Variants in SF3B3 observed in about 807,000 individuals in gnomAD.
SF3B3 encodes splicing factor 3b subunit 3.
A neutral mutation model predicts 139.2 loss-of-function variants in SF3B3; 33 were observed. That is an observed-to-expected ratio of 0.24 (90% confidence interval 0.18 to 0.32). SF3B3 has a LOEUF of 0.32. SF3B3 is among the 10% of genes least tolerant of loss of function. The pLI is 1.00. For synonymous variants in SF3B3, 596 were observed against 563.6 expected (o/e 1.06, Z -0.81); for missense variants, 818 against 1,509.4 (o/e 0.54, Z 7.59).
intron 18 of SF3B3, among the ~76,000 whole-genome samples, 158 bp downstream of exon 18, chr16:70,564,208 T>G (rs1458417997): frequency 1.3e-5 from 2 of 152,072 alleles, no homozygotes; most frequent in Non-Finnish European, 2.9e-5. Flanking sequence ...GCACCTCTAT[T>G]AAAAATTTTA....
chr16:70,535,748 T>A (rs953647887), intron 6 of SF3B3, among the ~76,000 whole-genome samples: 14 of 151,762 alleles, frequency 9.2e-5, no homozygotes, highest in African/African-American at 3.4e-4. Flanking sequence ...TTATTCTATT[T>A]GGTTTTTTTT....
chr16:70,532,765 TGTG>T lies in SF3B3; in HGVS notation c.712+150_712+152del, dbSNP rs1251181818. The T allele has an allele frequency of 3.9e-6, 3 of 763,910 alleles. No homozygotes were observed. The East Asian group carries it at 7.7e-5, about 20-fold the overall frequency. The allele number at this position is 763,910 out of a possible 1,614,324, so 47.3% of individuals were successfully genotyped here. On this transcript the variant is annotated intron_variant, in intron 5 of 25. Coordinates refer to ENST00000302516, the MANE Select transcript of SF3B3 (RefSeq NM_012426.5). Reference sequence around the variant, plus strand: ...ATCTTTTGGACAGGTTAGAAGTTCATGTGGTGGAGTGATTTTAAAAAGTGTTGG... The same window carrying T: ...ATCTTTTGGACAGGTTAGAAGTTCATGTGGAGTGATTTTAAAAAGTGTTGG...
chr16:70,538,275 A>C, intron 6 of SF3B3, 48 bp from the exon 7 acceptor site: 1 of 1,569,080 alleles, frequency 6.4e-7, no homozygotes, highest in Non-Finnish European at 8.8e-7. Context: ...TTCCAGAACT[A>C]AGAAGTACCC....
intron 4 of SF3B3, 117 bp from the exon 5 acceptor site, chr16:70,532,362 A>AAAAAAAAAAAAG (rs2050130141): frequency 1.2e-6 from 1 of 810,822 alleles, no homozygotes; most frequent in South Asian, 1.9e-5. Context: ...CTCTCCAAAA[A>AAAAAAAAAAAAG]AAAAAGAAGA....
At position 70,567,447 on chromosome 16, in the gene SF3B3, T is replaced by C; in HGVS notation, c.2863T>C (p.Phe955Leu). Reference sequence around the variant, plus strand: ...AGAGGTCCCTGCTGCTATTGCCCCATTCCAGGGGAGGGTGTTGATTGGTGT... The same window carrying C: ...AGAGGTCCCTGCTGCTATTGCCCCACTCCAGGGGAGGGTGTTGATTGGTGT... ...VEEVPAAIAP[F>L]QGRVLIGVGK... Residue 955 changes from phenylalanine (F) to leucine (L), a missense_variant, in exon 21 of 26, where the codon TTC (phenylalanine) becomes CTC (leucine). Phe to Leu is a conservative substitution (Grantham distance 22). Transcript: ENST00000302516. 1 of 1,614,038 alleles carries C rather than the reference T, an allele frequency of 6.2e-7. No homozygotes were observed. The highest frequency in any genetic ancestry group is 8.5e-7 in the Non-Finnish European group (1 of 1,179,936).
intron 15 of SF3B3, among the ~76,000 whole-genome samples, chr16:70,559,124 C>T (rs566716506): frequency 6.6e-6 from 1 of 152,150 alleles, no homozygotes; most frequent in Non-Finnish European, 1.5e-5. Flanking sequence ...TTAAAGTTCC[C>T]GTCAACCCTT....
chr16:70,559,261 C>G (rs538189517), intron 15 of SF3B3, among the ~76,000 whole-genome samples: 1 of 152,286 alleles, frequency 6.6e-6, no homozygotes, highest in Admixed American at 6.5e-5. Context: ...TCTTTGCTTA[C>G]TATAAGTACG....
At chr16:70,524,379 A>T (rs772890388) in intron 1 of SF3B3, among the ~76,000 whole-genome samples, 1 of 152,052 alleles carries the variant, frequency 6.6e-6, no homozygotes, top group South Asian at 2.1e-4. Flanking sequence ...CTGAACCTCT[A>T]TTTTCTCGTT....
In SF3B3 at chr16:70,560,566, G is replaced by C; in HGVS notation, c.2108G>C (p.Arg703Pro). ...YLGSRPVKLF[R>P]VRMQGQEAVL... ...GGGTCCCGTCCTGTGAAGCTCTTCC[G>C]AGTCCGAATGCAAGGCCAGGAGGCA... The change falls in exon 16 of 26, where the codon CGA becomes CCA. Residue 703 changes from arginine (R) to proline (P), a missense_variant. Coordinates refer to ENST00000302516, the MANE Select transcript of SF3B3 (RefSeq NM_012426.5). 6.2e-7 allele frequency: 1 copy of C among 1,613,646 alleles called. No individual in the cohort carries two copies. The highest frequency in any genetic ancestry group is 8.5e-7 in the Non-Finnish European group (1 of 1,179,666).
intron 15 of SF3B3, among the ~76,000 whole-genome samples, chr16:70,559,559 T>C (rs1187191094): frequency 6.6e-6 from 1 of 152,100 alleles, no homozygotes. Context: ...TGGTGGCTCA[T>C]GCCTGTAGTC....
Position 70,567,442 on chromosome 16 carries a change from C to T in SF3B3, c.2858C>T (p.Ala953Val). The stretch of plus-strand genomic sequence containing the variant: ...GTGGAAGAGGTCCCTGCTGCTATTG[C>T]CCCATTCCAGGGGAGGGTGTTGATT... ...TPVEEVPAAI[A>V]PFQGRVLIGV... is the part of the protein sequence containing the mutation. The change falls in exon 21 of 26, where the codon GCC (alanine) becomes GTC (valine). Residue 953 changes from alanine (A) to valine (V), a missense_variant. Ala to Val is a moderately conservative substitution (Grantham distance 64). Transcript: ENST00000302516. 2 of 1,614,000 alleles carry T rather than the reference C, an allele frequency of 1.2e-6. No homozygotes were observed. The highest frequency in any genetic ancestry group is 1.7e-6 in the Non-Finnish European group (2 of 1,179,936).
intron 13 of SF3B3, among the ~76,000 whole-genome samples, chr16:70,555,965 A>G (rs1285236395): frequency 3.3e-5 from 5 of 152,242 alleles, no homozygotes; most frequent in African/African-American, 1.2e-4. Context: ...TTGATGGAAG[A>G]TACTCATTTT....
chr16:70,562,321 TA>T (rs1485024088), intron 17 of SF3B3, among the ~76,000 whole-genome samples: 2 of 152,318 alleles, frequency 1.3e-5, no homozygotes, highest in East Asian at 3.9e-4. Context: ...GGGGGGCTTT[TA>T]AAATTAAGCC....
At chr16:70,542,866 C>T (rs1331675611) in intron 9 of SF3B3, among the ~76,000 whole-genome samples, 4 of 151,618 alleles carry the variant, frequency 2.6e-5, no homozygotes, top group South Asian at 2.1e-4. Context: ...GGACTACAAG[C>T]GCCCGCCACC....
Position 70,557,035 on chromosome 16 carries a change from A to C in SF3B3, c.2010+6A>C, listed in dbSNP as rs2050385149. On this transcript the variant is annotated splice_donor_region_variant and intron_variant, in intron 15 of 25. Transcript: ENST00000302516. Reference sequence around the variant, plus strand: ...ACCTGAATATTGGGCTACAGGTAAGAGATCCAGAGGCCCACATTGTGGACA... The same window carrying C: ...ACCTGAATATTGGGCTACAGGTAAGCGATCCAGAGGCCCACATTGTGGACA... The C allele has an allele frequency of 6.2e-7, 1 of 1,603,620 alleles. No individual in the cohort carries two copies. The highest frequency in any genetic ancestry group is 8.5e-7 in the Non-Finnish European group (1 of 1,175,894).
intron 17 of SF3B3, 41 bp from the exon 18 acceptor site, chr16:70,563,835 C>T (rs2050451319): frequency 1.3e-6 from 2 of 1,597,068 alleles, no homozygotes. Context: ...GTTTCTGGGT[C>T]CGAGTGAGTA....
rs2050431388 is a variant in SF3B3, at chr16:70,561,783, C to T, written c.2287C>T (p.Arg763Trp). ...GIVAISTNTL[R>W]ILALEKLGAV... ...TGTGGCCATCTCCACCAACACCCTA[C>T]GGTGAGTGAGTCTCATGTTTGAAGC... Residue 763 changes from arginine to tryptophan, a missense_variant and splice_region_variant, in exon 17 of 26, where the codon CGG (arginine) becomes TGG (tryptophan). By Grantham distance (101) the Arg-to-Trp change is moderately radical (BLOSUM62 -3). Transcript: ENST00000302516. 2 of 1,613,226 alleles carry T rather than the reference C, an allele frequency of 1.2e-6. No homozygotes were observed. Among genetic ancestry groups the T allele is most frequent in the Non-Finnish European group, 1.7e-6 (2 of 1,179,310 alleles).
chr16:70,562,102 G>C (rs1304679663), intron 17 of SF3B3, among the ~76,000 whole-genome samples: 2 of 152,180 alleles, frequency 1.3e-5, no homozygotes, highest in Non-Finnish European at 2.9e-5. Context: ...TTGGATCACT[G>C]CATTGATAAC....
intron 4 of SF3B3, among the ~76,000 whole-genome samples, chr16:70,531,756 T>TC (rs1310277295): frequency 6.6e-6 from 1 of 152,260 alleles, no homozygotes; most frequent in African/African-American, 2.4e-5. Context: ...AACTTGAAGC[T>TC]ATGTTTAAGG....
Sources: allele counts gnomAD v4.1 joint callset (sites outside exome capture counted in the v4.1 genomes callset), GRCh38; gene constraint gnomAD v4.1.1; transcripts MANE v1.5; gene names NCBI Gene and HGNC (gene_info 2026-07-23, HGNC 2026-07-21).